The following KALRN variants were observed in gnomAD, a reference collection of about 807,000 sequenced individuals.
KALRN encodes kalirin RhoGEF kinase.
KALRN carries 70 observed loss-of-function variants against 353.7 expected under a neutral mutation model. The ratio of observed to expected loss-of-function variants is 0.20; its 90% confidence interval spans 0.16 to 0.24. KALRN has a LOEUF of 0.24. KALRN is among the 10% of genes least tolerant of loss of function. KALRN has a pLI of 1.00. For synonymous variants in KALRN, 1,391 were observed against 1,434.8 expected, an observed-to-expected ratio of 0.97 and a Z score of 0.69; for missense variants, 2,791 against 3,756.7, an observed-to-expected ratio of 0.74 and a Z score of 6.72.
chr3:124,438,983 C>T lies in KALRN; in HGVS notation c.3144C>T (p.Asp1048=). Reference sequence around the variant, plus strand: ...AGCTGGGGCCAGCAGCAGAGATCGACCATGTCATTCCCCTCATCAGCAAAC... The same window carrying T: ...AGCTGGGGCCAGCAGCAGAGATCGATCATGTCATTCCCCTCATCAGCAAAC... The part of the protein sequence containing the change: ...RDKLGPAAEI[D]HVIPLISKHL... The change falls in exon 18 of 60, where the codon GAC becomes GAT. Residue 1048 remains aspartate (D), a synonymous_variant. Transcript: ENST00000682506. The T allele has an allele frequency of 6.2e-7, 1 of 1,614,062 alleles. No homozygotes were observed. The highest frequency in any genetic ancestry group is 1.1e-5 in the South Asian group (1 of 91,068).
At chr3:124,589,514 G>A (rs1490670480) in intron 34 of KALRN, among the ~76,000 whole-genome samples, 1 of 152,144 alleles carries the variant, frequency 6.6e-6, no homozygotes, top group Non-Finnish European at 1.5e-5. Context: ...GATCGGTTGA[G>A]CCCATGAATT....
chr3:124,495,959 A>ATGTATG (rs1319968961), intron 32 of KALRN, among the ~76,000 whole-genome samples: 2 of 32,978 alleles, frequency 6.1e-5, no homozygotes, highest in African/African-American at 1.4e-4. Context: ...GTGTATGTGT[A>ATGTATG]TGTATGTATA....
chr3:124,664,496 C>T (rs1240046353), intron 45 of KALRN, among the ~76,000 whole-genome samples: 3 of 151,830 alleles, frequency 2.0e-5, no homozygotes, highest in Admixed American at 1.3e-4. Context: ...CTGCAACCTC[C>T]GCCTCCTGGG....
At chr3:124,148,606 A>G (rs2067677075) in intron 1 of KALRN, among the ~76,000 whole-genome samples, 1 of 152,204 alleles carries the variant, frequency 6.6e-6, no homozygotes, top group African/African-American at 2.4e-5. Context: ...GTCTGACTAT[A>G]GGTGACATGT....
intron 1 of KALRN, chr3:124,082,357 T>A (rs2060587101): frequency 2.1e-6 from 1 of 469,902 alleles, no homozygotes; most frequent in African/African-American, 2.0e-5. Context: ...TGTTTCCTAT[T>A]TTTTCCTTCA....
intron 34 of KALRN, among the ~76,000 whole-genome samples, chr3:124,583,633 G>A (rs1297615992): frequency 6.6e-6 from 1 of 152,116 alleles, no homozygotes; most frequent in Non-Finnish European, 1.5e-5. Context: ...CCAGAAACAT[G>A]GCCTGAGAAG....
chr3:124,373,916 G>A (rs941465704), intron 10 of KALRN, among the ~76,000 whole-genome samples: 2 of 152,230 alleles, frequency 1.3e-5, no homozygotes, highest in African/African-American at 2.4e-5. Context: ...AGTGCAAAAT[G>A]TGAATGGTGT....
chr3:124,677,981 G>A (rs547022384), intron 49 of KALRN, among the ~76,000 whole-genome samples: 92 of 152,246 alleles, frequency 6.0e-4, no homozygotes, highest in Non-Finnish European at 7.6e-4. Flanking sequence ...CATCTACCAG[G>A]GGAGGTCAGA....
At chr3:124,557,421 A>C (rs2071404811) in intron 33 of KALRN, among the ~76,000 whole-genome samples, 1 of 152,184 alleles carries the variant, frequency 6.6e-6, no homozygotes, top group Admixed American at 6.5e-5. Flanking sequence ...GAGGTGTTTC[A>C]TGTTAAGGGA....
At chr3:124,666,904 C>A (rs954932531) in intron 46 of KALRN, 108 bp from the exon 47 acceptor site, 2 of 1,203,480 alleles carry the variant, frequency 1.7e-6, no homozygotes, top group Non-Finnish European at 1.1e-6. Context: ...AGATCCAGGG[C>A]AAAATTTGGA....
chr3:124,519,637 G>T, intron 33 of KALRN: 2 of 985,342 alleles, frequency 2.0e-6, no homozygotes, highest in Non-Finnish European at 2.4e-6. Context: ...GATGTGACTT[G>T]TTCAGTGTTC....
chr3:124,128,590 G>A (rs765774270), intron 1 of KALRN, among the ~76,000 whole-genome samples: 3 of 152,142 alleles, frequency 2.0e-5, no homozygotes, highest in African/African-American at 4.8e-5. Context: ...CAGGAAAATG[G>A]AATGAAAATT....
At chr3:124,324,557 T>C (rs955965638) in intron 6 of KALRN, among the ~76,000 whole-genome samples, 2 of 152,162 alleles carry the variant, frequency 1.3e-5, no homozygotes, top group African/African-American at 4.8e-5. Flanking sequence ...ATGCACTATG[T>C]CAGAAAGCTC....
At position 124,311,533 on chromosome 3, in the gene KALRN, A is replaced by G. The variant is rs572209302; in HGVS notation, c.1092+12620A>G. Among the ~76,000 whole-genome samples the G allele has an allele frequency of 5.9e-5, 9 of 152,316 alleles. No individual in the cohort carries two copies. In the South Asian group the frequency reaches 1.9e-3, roughly 32 times the overall value. ...GATATGGAGAAGTCAGAATGCTCAC[A>G]CATGGCTGCAGGCGTGTAAAATGGT... On this transcript the variant is annotated intron_variant, in intron 6 of 59. Transcript: ENST00000682506.
chr3:124,410,970 A>AT (rs2092098621), intron 13 of KALRN, among the ~76,000 whole-genome samples: 1 of 152,234 alleles, frequency 6.6e-6, no homozygotes, highest in African/African-American at 2.4e-5. Context: ...AGGAGAATGG[A>AT]TAAACACACT....
chr3:124,435,788 A>C (rs2093439638), intron 17 of KALRN, among the ~76,000 whole-genome samples: 1 of 152,250 alleles, frequency 6.6e-6, no homozygotes, highest in Non-Finnish European at 1.5e-5. Context: ...TAGATTCAAC[A>C]CAGTCTCAAT....
chr3:124,105,106 C>T (rs1408679671), intron 1 of KALRN, among the ~76,000 whole-genome samples: 1 of 152,104 alleles, frequency 6.6e-6, no homozygotes, highest in Admixed American at 6.6e-5. Flanking sequence ...GTGAAGGAAG[C>T]ATTGGCCTAT....
At chr3:124,171,729 C>A (rs1190895324) in intron 1 of KALRN, among the ~76,000 whole-genome samples, 2 of 152,160 alleles carry the variant, frequency 1.3e-5, no homozygotes, top group Admixed American at 1.3e-4. Flanking sequence ...TTTTTCTGAT[C>A]CTCCCTTAAG....
chr3:124,223,199 T>A (rs1285730546), intron 1 of KALRN, among the ~76,000 whole-genome samples: 1 of 152,034 alleles, frequency 6.6e-6, no homozygotes, highest in African/African-American at 2.4e-5. Context: ...TTACTGTCAC[T>A]GAAGCCCGAC....
Sources: gnomAD v4.1 joint callset for allele counts (sites outside exome capture counted in the v4.1 genomes callset) on GRCh38, gnomAD v4.1.1 for gene constraint, MANE v1.5 for transcripts, NCBI Gene and HGNC (gene_info 2026-07-23, HGNC 2026-07-21) for gene names.